Variants in KDM4B observed in about 807,000 individuals in gnomAD.
KDM4B encodes lysine demethylase 4B.
KDM4B carries 32 observed loss-of-function variants against 125.2 expected under a neutral mutation model. The ratio of observed to expected loss-of-function variants is 0.26; its 90% CI spans 0.19 to 0.34. KDM4B has a LOEUF of 0.34. Ranked by LOEUF, KDM4B falls within the 10% of genes least tolerant of loss-of-function variation. The pLI is 1.00. For synonymous variants in KDM4B, 721 were observed against 677.9 expected, an observed-to-expected ratio of 1.06 and a Z score of -0.99; for missense variants, 1,190 against 1,577.7, an observed-to-expected ratio of 0.75 and a Z score of 4.16.
intron 1 of KDM4B, among the ~76,000 whole-genome samples, chr19:4,986,060 A>G (rs2034819967): frequency 6.6e-6 from 1 of 152,190 alleles, no homozygotes; most frequent in South Asian, 2.1e-4. Flanking sequence ...GGAGCTCCCC[A>G]GCCCGGCTTG....
At chr19:5,097,001 A>G (rs2038840657) in intron 9 of KDM4B, among the ~76,000 whole-genome samples, 1 of 152,186 alleles carries the variant, frequency 6.6e-6, no homozygotes, top group South Asian at 2.1e-4. Context: ...GACACTTTAA[A>G]GAGCACGGGC....
rs2039209489 is a variant in KDM4B at position 5,114,179 on chromosome 19, A to ACG, written c.1115+3362_1115+3363insGC. 7.8e-7 allele frequency: 1 copy of ACG among 1,288,754 alleles called. No homozygotes were observed. Among genetic ancestry groups the ACG allele is most frequent in the South Asian group, 1.2e-5 (1 of 80,972 alleles). 79.8% of individuals were successfully genotyped at this position (1,288,754 alleles called of 1,614,324 possible). On this transcript the variant is annotated intron_variant, in intron 10 of 22. Transcript: ENST00000159111. The surrounding 1 kb of genome is among the most constrained non-coding windows in gnomAD (Gnocchi z 5.8). ...ACCCACGCGACGCTCCTCCATGCAA[A>ACG]CTCTTTCCACGCGAGAAGCGCCATG...
intron 6 of KDM4B, among the ~76,000 whole-genome samples, chr19:5,057,066 G>GTGTGTGCA (rs60055348): frequency 1.8e-5 from 1 of 55,884 alleles, no homozygotes; most frequent in Non-Finnish European, 3.3e-5. Flanking sequence ...GTGTGTGTGT[G>GTGTGTGCA]CGCGCGCGCG....
At chr19:5,067,672 C>T (rs1364211802) in intron 6 of KDM4B, among the ~76,000 whole-genome samples, 2 of 152,056 alleles carry the variant, frequency 1.3e-5, no homozygotes, top group Non-Finnish European at 1.5e-5. Flanking sequence ...GGCTTGTGGG[C>T]AGGGCCCGTG....
intron 6 of KDM4B, among the ~76,000 whole-genome samples, chr19:5,055,365 G>A (rs1392167097): frequency 6.6e-6 from 1 of 152,260 alleles, no homozygotes; most frequent in Non-Finnish European, 1.5e-5. Context: ...TTTGTTCGGG[G>A]ACTGCAGAGC....
At chr19:5,102,132 G>A (rs184232862) in intron 9 of KDM4B, among the ~76,000 whole-genome samples, 3 of 152,268 alleles carry the variant, frequency 2.0e-5, no homozygotes, top group East Asian at 3.9e-4. Context: ...ACCACCATCC[G>A]TGTCTCTGCT....
intron 11 of KDM4B, among the ~76,000 whole-genome samples, chr19:5,125,204 G>T (rs1310999908): frequency 3.3e-5 from 5 of 152,186 alleles, no homozygotes; most frequent in Non-Finnish European, 7.3e-5. Context: ...TCATTAATGT[G>T]ACTAACTGTT....
chr19:5,034,340 G>T (rs1460858981), intron 3 of KDM4B, among the ~76,000 whole-genome samples: 1 of 152,190 alleles, frequency 6.6e-6, no homozygotes, highest in Admixed American at 6.5e-5. Context: ...TAGGCCAGGG[G>T]TTGGCGGGCA....
At chr19:5,053,709 C>T (rs2037304159) in intron 6 of KDM4B, among the ~76,000 whole-genome samples, 1 of 152,228 alleles carries the variant, frequency 6.6e-6, no homozygotes, top group Non-Finnish European at 1.5e-5. Context: ...CAGAAGGAAC[C>T]TCTTTTTGAG....
intron 9 of KDM4B, among the ~76,000 whole-genome samples, chr19:5,103,870 G>A (rs1162812061): frequency 6.6e-6 from 1 of 152,206 alleles, no homozygotes; most frequent in East Asian, 1.9e-4. Context: ...ACCCTGCCTT[G>A]GTCCTTAAGG....
At chr19:5,074,578 C>T (rs939572579) in intron 7 of KDM4B, 3 of 152,260 alleles carry the variant, frequency 2.0e-5, no homozygotes, top group Admixed American at 6.5e-5. Flanking sequence ...AAAAGAGGAA[C>T]TGCGGAGAGG....
intron 10 of KDM4B, among the ~76,000 whole-genome samples, chr19:5,116,906 G>A (rs570514232): frequency 5.3e-5 from 8 of 152,204 alleles, no homozygotes; most frequent in Non-Finnish European, 1.0e-4. Flanking sequence ...CACCTGTGCC[G>A]GGAGCCAGAC....
rs2038310521 is a variant in KDM4B, at chr19:5,081,985, C to G, written c.781-382C>G. Among the ~76,000 whole-genome samples, 1 of 152,148 alleles carries G rather than the reference C, an allele frequency of 6.6e-6. No individual in the cohort carries two copies. The highest frequency in any genetic ancestry group is 1.5e-5 in the Non-Finnish European group (1 of 68,022). On this transcript the variant is annotated intron_variant, in intron 8 of 22. Coordinates refer to ENST00000159111, the MANE Select transcript of KDM4B (RefSeq NM_015015.3). This position sits in a 1 kb window ranked among gnomAD's most constrained non-coding sequence, Gnocchi z 4.2. ...CAGCCACCTCCAAAGCAGGAGGCCC[C>G]CATCGCTCCCCATGAAGGTCCGGCT...
intron 9 of KDM4B, among the ~76,000 whole-genome samples, chr19:5,096,750 G>A (rs1223084231): frequency 2.0e-5 from 3 of 150,918 alleles, no homozygotes; most frequent in African/African-American, 7.3e-5. Context: ...CGGTGCCCCC[G>A]GCGGTGTCGG....
intron 1 of KDM4B, among the ~76,000 whole-genome samples, chr19:5,005,757 G>A (rs903063313): frequency 6.6e-6 from 1 of 152,142 alleles, no homozygotes; most frequent in Non-Finnish European, 1.5e-5. Flanking sequence ...GAGGCTACAG[G>A]GCCACGGGGG....
Position 5,133,984 on chromosome 19 carries a change from G to A in KDM4B, c.2008G>A (p.Glu670Lys), listed in dbSNP as rs2039604227. 6 of 1,612,540 alleles carry A rather than the reference G, an allele frequency of 3.7e-6. No homozygotes were observed. The highest frequency in any genetic ancestry group is 2.2e-5 in the East Asian group (1 of 44,882). The part of the protein sequence containing the change: ...WKNRAASFQA[E>K]RKFNAAAART... ...GAACAGGGCGGCCAGCTTCCAGGCC[G>A]AGAGGAAGTTCAACGCAGCGGCTGC... Residue 670 changes from glutamate (E) to lysine (K), a missense_variant, in exon 14 of 23, where the codon GAG (glutamate) becomes AAG (lysine). Around this residue, in one of 7 missense-constraint regions of KDM4B, gnomAD observed 128 missense variants for 137.8 expected, o/e 0.93. Transcript: ENST00000159111.
intron 8 of KDM4B, among the ~76,000 whole-genome samples, chr19:5,079,851 G>GCAC (rs921314920): frequency 9.3e-6 from 1 of 107,328 alleles, no homozygotes; most frequent in African/African-American, 2.7e-5. Flanking sequence ...ACAGGTGTGA[G>GCAC]CACCATGCCC....
At chr19:4,990,341 C>T (rs144259321) in intron 1 of KDM4B, among the ~76,000 whole-genome samples, 1 of 152,144 alleles carries the variant, frequency 6.6e-6, no homozygotes, top group South Asian at 2.1e-4. Context: ...TTCACTTCCA[C>T]CCAAAAACAG....
intron 2 of KDM4B, among the ~76,000 whole-genome samples, chr19:5,020,018 C>T (rs1403662661): frequency 2.0e-5 from 2 of 98,242 alleles, no homozygotes; most frequent in Admixed American, 2.6e-4. Context: ...GGACGGTGTG[C>T]AGGTGTTGGT....
Sources: gnomAD v4.1 joint callset for allele counts (sites outside exome capture counted in the v4.1 genomes callset) on GRCh38, gnomAD v4.1.1 for gene constraint, gnomAD v4.1.1 regional missense constraint, Gnocchi (gnomAD v3.1) non-coding constraint, MANE v1.5 for transcripts, NCBI Gene and HGNC (gene_info 2026-07-23, HGNC 2026-07-21) for gene names.